The following THSD4 variants were observed in gnomAD, a reference collection of about 807,000 sequenced individuals.
THSD4 encodes the protein thrombospondin type 1 domain containing 4, also known as thrombospondin type-1 domain-containing protein 4.
A neutral mutation model predicts 119.0 loss-of-function variants in THSD4; 69 were observed. The observed-to-expected ratio is 0.58, with a 90% CI of 0.48 to 0.71. The LOEUF (loss-of-function observed/expected upper bound fraction) is 0.71. THSD4 is among the 30% of genes least tolerant of loss of function. THSD4 has a pLI of 0.00. For synonymous variants in THSD4, 524 were observed against 540.4 expected (o/e 0.97, Z 0.42); for missense variants, 1,393 against 1,391.1 (o/e 1.00, Z -0.02).
At chr15:71,135,209 GACTGT>G (rs2040538173) in intron 1 of THSD4, among the ~76,000 whole-genome samples, 1 of 103,248 alleles carries the variant, frequency 9.7e-6, no homozygotes, top group South Asian at 4.0e-4. Flanking sequence ...ACACTCTGGG[GACTGT>G]GGTGGGGTGG....
At chr15:71,646,594 A>AT (rs1314030642) in intron 7 of THSD4, among the ~76,000 whole-genome samples, 1 of 152,242 alleles carries the variant, frequency 6.6e-6, no homozygotes, top group African/African-American at 2.4e-5. Flanking sequence ...CATAATATGC[A>AT]TTGAGTTCCT....
At chr15:71,547,266 A>C in intron 7 of THSD4, 2 of 1,447,172 alleles carry the variant, frequency 1.4e-6, no homozygotes, top group East Asian at 5.3e-5. Flanking sequence ...AGCGCCGGGC[A>C]GTACAGTGAG....
chr15:71,455,278 A>G lies in THSD4; in HGVS notation c.1152+43455A>G, dbSNP rs371003065. On this transcript the variant is annotated intron_variant, in intron 7 of 17. Coordinates refer to ENST00000261862, the MANE Select transcript of THSD4 (RefSeq NM_024817.3). ...TACTTGATGCAGCAGCGGCACCACA[A>G]TGATGAAATCAGAAGGGCTTAGGGT... Among the ~76,000 whole-genome samples the G allele has an allele frequency of 3.9e-5, 6 of 152,338 alleles. No homozygotes were observed. The East Asian group carries it at 5.8e-4, about 15-fold the overall frequency.
chr15:71,715,967 G>A lies in THSD4; in HGVS notation c.1358-12582G>A, dbSNP rs1038461688. 2.0e-5 allele frequency among the ~76,000 whole-genome samples: 3 copies of A among 152,288 alleles called. No homozygotes were observed. The East Asian group carries it at 5.8e-4, about 29-fold the overall frequency. On this transcript the variant is annotated intron_variant, in intron 8 of 17. Coordinates refer to ENST00000261862, the MANE Select transcript of THSD4 (RefSeq NM_024817.3). ...TAGTTACCTGTGGCTGCCATAACAAGATACCACAAACTGGGTGGATTAAAA... is the reference window on the plus strand; with the variant it reads ...TAGTTACCTGTGGCTGCCATAACAAAATACCACAAACTGGGTGGATTAAAA...
At chr15:71,143,194 A>G (rs2040621858) in intron 2 of THSD4, among the ~76,000 whole-genome samples, 1 of 152,232 alleles carries the variant, frequency 6.6e-6, no homozygotes, top group South Asian at 2.1e-4. Flanking sequence ...TTGAGCCACG[A>G]GGAGGACAGC....
At chr15:71,398,178 G>C (rs2046477169) in intron 6 of THSD4, among the ~76,000 whole-genome samples, 2 of 152,176 alleles carry the variant, frequency 1.3e-5, no homozygotes, top group African/African-American at 2.4e-5. Context: ...GCAAGGTCAG[G>C]TAGAATTTAT....
intron 10 of THSD4, among the ~76,000 whole-genome samples, chr15:71,736,632 A>ACTTGCTCTCTCTCTCC (rs916796840): frequency 1.5e-5 from 2 of 136,672 alleles, no homozygotes; most frequent in African/African-American, 5.5e-5. Flanking sequence ...TCTCTCTCTC[A>ACTTGCTCTCTCTCTCC]CTTGCTCTCT....
At chr15:71,449,131 CCA>C (rs2047229649) in intron 7 of THSD4, among the ~76,000 whole-genome samples, 1 of 152,176 alleles carries the variant, frequency 6.6e-6, no homozygotes, top group Admixed American at 6.5e-5. Context: ...TTCTCCTTGG[CCA>C]CATTCCTTGA....
At chr15:71,309,290 C>A (rs2045078671) in intron 6 of THSD4, among the ~76,000 whole-genome samples, 1 of 152,130 alleles carries the variant, frequency 6.6e-6, no homozygotes. Flanking sequence ...TATTACTGAC[C>A]ATTGTATGTC....
intron 3 of THSD4, chr15:71,185,840 C>T (rs1251455185): frequency 2.0e-5 from 3 of 152,212 alleles, no homozygotes; most frequent in Admixed American, 6.5e-5. Flanking sequence ...TGGAAGAGCC[C>T]GGAGCCTAAT....
chr15:71,228,965 G>C (rs2044039516), intron 4 of THSD4, among the ~76,000 whole-genome samples: 1 of 152,178 alleles, frequency 6.6e-6, no homozygotes, highest in African/African-American at 2.4e-5. Flanking sequence ...GGCTAGTGCT[G>C]AAAACGTTTC....
rs188120414 is a variant in THSD4, at chr15:71,673,335, T to G, written c.1357+12601T>G. Among the ~76,000 whole-genome samples, 236 of 152,306 alleles carry G rather than the reference T, an allele frequency of 1.5e-3. 3 individuals are homozygous for G. Among genetic ancestry groups the G allele is most frequent in the African/African-American group, 5.3e-3 (220 of 41,566 alleles). ...TATTTCTGTGGGATCGGTGGTGATA[T>G]CCCCTCTATCATTTTTTATTGCGTC... is the stretch of plus-strand genomic sequence containing the variant. On this transcript the variant is annotated intron_variant, in intron 8 of 17. Transcript: ENST00000261862.
In THSD4 at chr15:71,416,711, A is replaced by ATTTTATTTTG. The variant is rs1328576529; in HGVS notation, c.1152+4892_1152+4893insATTTTGTTTT. ...ATTTTGTTTCATTTTATTTTATTTTATTTTGTTTTGTTTTGTTTTGTTTTG... is the reference window on the plus strand; with the variant it reads ...ATTTTGTTTCATTTTATTTTATTTTATTTTATTTTGTTTTGTTTTGTTTTGTTTTGTTTTG... On this transcript the variant is annotated intron_variant, in intron 7 of 17. Transcript: ENST00000261862. 2.5e-4 allele frequency among the ~76,000 whole-genome samples: 22 copies of ATTTTATTTTG among 87,696 alleles called. 4 individuals carry two copies. Among genetic ancestry groups the ATTTTATTTTG allele is most frequent in the African/African-American group, 8.9e-4 (22 of 24,848 alleles). 57.5% of individuals were successfully genotyped at this position (87,696 alleles called of 152,430 possible).
At chr15:71,534,176 C>G (rs563451756) in intron 7 of THSD4, among the ~76,000 whole-genome samples, 2 of 152,252 alleles carry the variant, frequency 1.3e-5, no homozygotes, top group East Asian at 3.9e-4. Context: ...TCTCTAACTC[C>G]TGGGCTCAAG....
Position 71,617,326 on chromosome 15 carries a change from TTTTAG to T in THSD4, c.1153-43199_1153-43195del, listed in dbSNP as rs902920365. Among the ~76,000 whole-genome samples the T allele has an allele frequency of 3.9e-5, 6 of 152,200 alleles. 1 individual carries two copies. The highest frequency in any genetic ancestry group is 1.2e-4 in the African/African-American group (5 of 41,458). On this transcript the variant is annotated intron_variant, in intron 7 of 17. Transcript: ENST00000261862. ...TTTAAATATTTTAATTTTTAAATGA[TTTTAG>T]TTTAAATTTTTTTAATTAATATCAT...
At chr15:71,189,619 G>A (rs974657025) in intron 3 of THSD4, among the ~76,000 whole-genome samples, 9 of 151,464 alleles carry the variant, frequency 5.9e-5, no homozygotes, top group Admixed American at 1.3e-4. Context: ...ACAGTGAGCC[G>A]AGATCGCGCC....
Position 71,254,215 on chromosome 15 carries a change from C to T in THSD4, c.913-2398C>T, listed in dbSNP as rs967264072. ...GTTTCTGCTACGAAGACCTGCGGCC[C>T]GGCAGCCGATCTCTAGTTCTGATTA... On this transcript the variant is annotated intron_variant, in intron 5 of 17. Transcript: ENST00000261862. Among the ~76,000 whole-genome samples, 11 of 152,190 alleles carry T rather than the reference C, an allele frequency of 7.2e-5. 1 individual carries two copies. The highest frequency in any genetic ancestry group is 2.1e-4 in the South Asian group (1 of 4,822).
intron 7 of THSD4, among the ~76,000 whole-genome samples, chr15:71,649,645 T>C (rs967233057): frequency 6.6e-6 from 1 of 152,234 alleles, no homozygotes; most frequent in Non-Finnish European, 1.5e-5. Flanking sequence ...TTGTTTTGAT[T>C]GCTTTTGGCA....
chr15:71,599,614 T>C (rs940519570), intron 7 of THSD4, among the ~76,000 whole-genome samples: 9 of 152,196 alleles, frequency 5.9e-5, no homozygotes, highest in African/African-American at 2.2e-4. Flanking sequence ...GCTAATTACA[T>C]GCCATCAAGC....
Sources: gnomAD v4.1 joint callset for allele counts (sites outside exome capture counted in the v4.1 genomes callset) on GRCh38, gnomAD v4.1.1 for gene constraint, MANE v1.5 for transcripts, NCBI Gene and HGNC (gene_info 2026-07-23, HGNC 2026-07-21) for gene names.